Variants in RAPGEF2 observed in about 807,000 individuals in gnomAD.
RAPGEF2 encodes the protein Rap guanine nucleotide exchange factor 2.
RAPGEF2 carries 54 observed loss-of-function variants against 186.7 expected under a neutral mutation model. That is an observed-to-expected ratio of 0.29 (90% confidence interval 0.23 to 0.36). The LOEUF is 0.36. Ranked by LOEUF, RAPGEF2 falls within the 10% of genes least tolerant of loss-of-function variation. RAPGEF2 has a pLI of 1.00. For synonymous variants in RAPGEF2, 712 were observed against 705.9 expected (o/e 1.01, Z -0.14); for missense variants, 1,532 against 2,045.0 (o/e 0.75, Z 4.84).
At chr4:159,198,406 C>A (rs1749042069) in intron 3 of RAPGEF2, among the ~76,000 whole-genome samples, 1 of 105,598 alleles carries the variant, frequency 9.5e-6, no homozygotes, top group Non-Finnish European at 1.8e-5. Flanking sequence ...CTCTCTCTTC[C>A]TCTCTTCCTC....
At chr4:159,342,533 T>G (rs1390082564) in intron 20 of RAPGEF2, among the ~76,000 whole-genome samples, 2 of 106,924 alleles carry the variant, frequency 1.9e-5, no homozygotes, top group African/African-American at 8.1e-5. Flanking sequence ...TAGCTTTTAT[T>G]TTATTTTATT....
At chr4:159,221,781 C>A (rs1043480369) in intron 4 of RAPGEF2, among the ~76,000 whole-genome samples, 1 of 152,064 alleles carries the variant, frequency 6.6e-6, no homozygotes, top group Non-Finnish European at 1.5e-5. Context: ...TCCTGGTATT[C>A]CTGTGACATA....
intron 1 of RAPGEF2, among the ~76,000 whole-genome samples, chr4:159,135,954 CAG>C (rs1356297843): frequency 6.6e-6 from 1 of 152,180 alleles, no homozygotes; most frequent in Non-Finnish European, 1.5e-5. Flanking sequence ...CAAAATAGTA[CAG>C]AGAGTTTCCA....
At chr4:159,289,186 C>T (rs1274412940) in intron 7 of RAPGEF2, among the ~76,000 whole-genome samples, 2 of 152,138 alleles carry the variant, frequency 1.3e-5, no homozygotes, top group Non-Finnish European at 2.9e-5. Flanking sequence ...ATCACTAGTT[C>T]CTATAACAGT....
In RAPGEF2 at chr4:159,103,256, CCCT is replaced by C. The variant is rs891119232; in HGVS notation, c.-901_-899del. The C allele has an allele frequency of 6.6e-6, 1 of 151,958 alleles. No individual in the cohort carries two copies. Among genetic ancestry groups the C allele is most frequent in the African/African-American group, 2.4e-5 (1 of 41,414 alleles). 9.4% of individuals were successfully genotyped at this position (151,958 alleles called of 1,614,324 possible). Reference sequence around the variant, plus strand: ...CGGGCTGTCCGCGGCCCCCTCTTCCCCCTCCTCCGCCCCGCGCAGACGAGGAAC... The same window carrying C: ...CGGGCTGTCCGCGGCCCCCTCTTCCCCCTCCGCCCCGCGCAGACGAGGAAC... On this transcript the variant is annotated 5_prime_UTR_variant, in exon 1 of 30. Coordinates refer to ENST00000691494, the MANE Select transcript of RAPGEF2 (RefSeq NM_001394067.2).
chr4:159,224,538 C>G (rs981645695), intron 4 of RAPGEF2, among the ~76,000 whole-genome samples: 2 of 152,152 alleles, frequency 1.3e-5, no homozygotes, highest in Non-Finnish European at 2.9e-5. Flanking sequence ...TTAGATTTGC[C>G]TGGCTTAGGA....
intron 4 of RAPGEF2, among the ~76,000 whole-genome samples, chr4:159,211,463 C>T (rs1444378279): frequency 1.3e-5 from 2 of 152,144 alleles, no homozygotes; most frequent in African/African-American, 4.8e-5. Context: ...GACTAAAGTA[C>T]AGGGATTGCC....
chr4:159,317,405 G>A (rs930676614), intron 9 of RAPGEF2, among the ~76,000 whole-genome samples: 3 of 152,140 alleles, frequency 2.0e-5, no homozygotes, highest in Admixed American at 6.6e-5. Context: ...TAGGGGAGAC[G>A]CGTGATCAGC....
intron 1 of RAPGEF2, among the ~76,000 whole-genome samples, chr4:159,123,030 T>G (rs1739887238): frequency 6.6e-6 from 1 of 150,520 alleles, no homozygotes; most frequent in South Asian, 2.1e-4. Context: ...TTCTCTTCCT[T>G]ATGATTTTAA....
chr4:159,200,046 A>ATCTCTC (rs141283472), intron 3 of RAPGEF2, among the ~76,000 whole-genome samples: 5,315 of 151,294 alleles, frequency 0.035, 307 homozygotes, highest in African/African-American at 0.12. Context: ...ATTTGATGTA[A>ATCTCTC]TCTCTCTCTC....
chr4:159,174,817 C>T (rs998532334), intron 1 of RAPGEF2, among the ~76,000 whole-genome samples: 4 of 150,676 alleles, frequency 2.7e-5, no homozygotes, highest in African/African-American at 9.8e-5. Flanking sequence ...AGTGCATTGG[C>T]ACAGTGACAG....
At chr4:159,231,165 G>A (rs757481541) in intron 4 of RAPGEF2, among the ~76,000 whole-genome samples, 29 of 151,972 alleles carry the variant, frequency 1.9e-4, no homozygotes, top group Non-Finnish European at 2.9e-4. Context: ...TATTCAGTAC[G>A]GTAACATTCT....
chr4:159,223,706 G>C (rs1258212834), intron 4 of RAPGEF2, among the ~76,000 whole-genome samples: 1 of 152,106 alleles, frequency 6.6e-6, no homozygotes, highest in Non-Finnish European at 1.5e-5. Flanking sequence ...AGACATATAT[G>C]TTTGCCTCTC....
chr4:159,147,461 G>A (rs1322558996), intron 1 of RAPGEF2, among the ~76,000 whole-genome samples: 1 of 151,966 alleles, frequency 6.6e-6, no homozygotes, highest in Non-Finnish European at 1.5e-5. Flanking sequence ...AGACAGGTTA[G>A]CTGACTACCC....
At position 159,330,158 on chromosome 4, in the gene RAPGEF2, A is replaced by T. The variant is rs568699825; in HGVS notation, c.1302+148A>T. ...CTTTATGTATGATCTCCTAGTGAAT[A>T]GCAGTTTCATTAATTGTTAACTGTG... is the stretch of plus-strand genomic sequence containing the variant. On this transcript the variant is annotated intron_variant, in intron 12 of 29. Coordinates refer to ENST00000691494, the MANE Select transcript of RAPGEF2 (RefSeq NM_001394067.2). 4 of 867,600 alleles carry T rather than the reference A, an allele frequency of 4.6e-6. No homozygotes were observed. The Admixed American group carries it at 1.1e-4, about 25-fold the overall frequency. The allele number at this position is 867,600 out of a possible 1,614,324, so 53.7% of individuals were successfully genotyped here.
In RAPGEF2 at chr4:159,287,951, C is replaced by T. The variant is rs1760724600; in HGVS notation, c.544-16391C>T. 1.3e-5 allele frequency among the ~76,000 whole-genome samples: 2 copies of T among 152,116 alleles called. 1 individual carries two copies. Among genetic ancestry groups the T allele is most frequent in the African/African-American group, 4.8e-5 (2 of 41,440 alleles). On this transcript the variant is annotated intron_variant, in intron 7 of 29. Transcript: ENST00000691494. ...TACAAAAACTTGTATTTGCATAATG[C>T]TTTATATTACCAGAATTCTTTCACA...
intron 4 of RAPGEF2, among the ~76,000 whole-genome samples, chr4:159,232,098 C>T (rs575999488): frequency 7.2e-5 from 11 of 152,060 alleles, no homozygotes; most frequent in Admixed American, 2.0e-4. Context: ...CTTTTCTAAG[C>T]TTTTTTTAAT....
Position 159,112,124 on chromosome 4 carries a change from G to A in RAPGEF2, c.69+7893G>A, listed in dbSNP as rs142436697. On this transcript the variant is annotated intron_variant, in intron 1 of 29. Coordinates refer to ENST00000691494, the MANE Select transcript of RAPGEF2 (RefSeq NM_001394067.2). ...CCCTCCCCCTGCGCAGCATCATTAA[G>A]GCTTATTACCTTTTGGTTAAAATGA... is the stretch of plus-strand genomic sequence containing the variant. 2.7e-3 allele frequency among the ~76,000 whole-genome samples: 411 copies of A among 152,278 alleles called. 1 individual carries two copies. The highest frequency in any genetic ancestry group is 9.2e-3 in the African/African-American group (384 of 41,558).
chr4:159,137,572 C>A (rs1264139021), intron 1 of RAPGEF2, among the ~76,000 whole-genome samples: 2 of 152,020 alleles, frequency 1.3e-5, no homozygotes, highest in African/African-American at 2.4e-5. Context: ...TAACATGTAA[C>A]CATAGTAGCA....
Sources: allele counts gnomAD v4.1 joint callset (sites outside exome capture counted in the v4.1 genomes callset), GRCh38; gene constraint gnomAD v4.1.1; transcripts MANE v1.5; gene names NCBI Gene and HGNC (gene_info 2026-07-23, HGNC 2026-07-21).